Variants in CCSER1 observed in about 807,000 individuals in gnomAD.
CCSER1 encodes coiled-coil serine rich protein 1.
Under a neutral mutation model 82.0 loss-of-function variants are expected in CCSER1, and 41 were observed. The ratio of observed to expected loss-of-function variants is 0.50; its 90% CI spans 0.39 to 0.65. The LOEUF (loss-of-function observed/expected upper bound fraction) is 0.65, where lower values mean the gene tolerates loss of function less well. Among genes scored for constraint, CCSER1 ranks in the 30% least tolerant of loss-of-function variants. CCSER1 has a pLI of 0.00. For synonymous variants in CCSER1, 414 were observed against 383.9 expected (o/e 1.08, Z -0.92); for missense variants, 1,119 against 1,064.2 (o/e 1.05, Z -0.72).
At chr4:90,638,562 A>G (rs1003525913) in intron 6 of CCSER1, among the ~76,000 whole-genome samples, 4 of 152,172 alleles carry the variant, frequency 2.6e-5, no homozygotes, top group Non-Finnish European at 4.4e-5. Flanking sequence ...TATGGATCCC[A>G]TTGTATACTC....
At chr4:91,350,249 C>T (rs1748380753) in intron 10 of CCSER1, among the ~76,000 whole-genome samples, 1 of 152,058 alleles carries the variant, frequency 6.6e-6, no homozygotes, top group African/African-American at 2.4e-5. Flanking sequence ...TCTGAATCTA[C>T]CAGTTTGCAT....
At chr4:91,190,086 A>G (rs918967838) in intron 10 of CCSER1, among the ~76,000 whole-genome samples, 1 of 152,096 alleles carries the variant, frequency 6.6e-6, no homozygotes, top group Non-Finnish European at 1.5e-5. Flanking sequence ...AATTTACTAG[A>G]TGCCTGCACT....
intron 2 of CCSER1, 106 bp from the exon 3 acceptor site, chr4:90,312,757 G>A: frequency 1.2e-6 from 1 of 863,710 alleles, no homozygotes; most frequent in South Asian, 1.8e-5. Flanking sequence ...TTGTGATAGA[G>A]AAACTTTGAA....
Position 90,954,705 on chromosome 4 carries a change from T to C in CCSER1, c.2172+31258T>C, listed in dbSNP as rs370243136. Among the ~76,000 whole-genome samples, 7 of 152,278 alleles carry C rather than the reference T, an allele frequency of 4.6e-5. No homozygotes were observed. The East Asian group carries it at 5.8e-4, about 13-fold the overall frequency. ...ATCTCTGTGAATATTTCTCTATAAA[T>C]TCTATTGAAGTAAGTTTCAACTAGG... On this transcript the variant is annotated intron_variant, in intron 9 of 10. Coordinates refer to ENST00000509176, the MANE Select transcript of CCSER1 (RefSeq NM_001145065.2).
At chr4:90,551,840 A>C (rs570717617) in intron 5 of CCSER1, among the ~76,000 whole-genome samples, 67 of 151,882 alleles carry the variant, frequency 4.4e-4, no homozygotes, top group Non-Finnish European at 9.0e-4. Flanking sequence ...GCTGTGACAA[A>C]ATATCTGAAG....
rs1393880321 is a variant in CCSER1, at chr4:90,264,491, A to G, written c.-41-43753A>G. Among the ~76,000 whole-genome samples, 4 of 152,306 alleles carry G rather than the reference A, an allele frequency of 2.6e-5. No homozygotes were observed. The East Asian group carries it at 5.8e-4, about 22-fold the overall frequency. Reference sequence around the variant, plus strand: ...GAATATTTTCATATTAGGATCATTTATGTCACTGCCCCACCTACAACACAA... The same window carrying G: ...GAATATTTTCATATTAGGATCATTTGTGTCACTGCCCCACCTACAACACAA... On this transcript the variant is annotated intron_variant, in intron 1 of 10. Coordinates refer to ENST00000509176, the MANE Select transcript of CCSER1 (RefSeq NM_001145065.2).
At chr4:91,003,570 C>G (rs992116055) in intron 9 of CCSER1, among the ~76,000 whole-genome samples, 8 of 152,114 alleles carry the variant, frequency 5.3e-5, no homozygotes, top group African/African-American at 1.9e-4. Context: ...CCCACTGTGC[C>G]CCCTCCAACA....
chr4:91,033,144 A>C (rs1441017128), intron 9 of CCSER1, among the ~76,000 whole-genome samples: 1 of 152,190 alleles, frequency 6.6e-6, no homozygotes, highest in Non-Finnish European at 1.5e-5. Flanking sequence ...TGTATCAGTC[A>C]GGGTCCTGGC....
chr4:91,015,377 G>T (rs1451163046), intron 9 of CCSER1: 1 of 151,988 alleles, frequency 6.6e-6, no homozygotes. Flanking sequence ...GTGATAAGCT[G>T]CTATTCTGCT....
Position 90,889,383 on chromosome 4 carries a change from T to C in CCSER1, c.2095-33987T>C, listed in dbSNP as rs73834576. Among the ~76,000 whole-genome samples, 753 of 152,218 alleles carry C rather than the reference T, an allele frequency of 4.9e-3. 6 individuals are homozygous for C. The highest frequency in any genetic ancestry group is 0.017 in the African/African-American group (710 of 41,558). On this transcript the variant is annotated intron_variant, in intron 8 of 10. Transcript: ENST00000509176. ...TGACTCACTCTCTCCTACCCCTCCT[T>C]CTCCCCACGCAAGTTAAGTAATATT...
At chr4:90,988,500 AT>A (rs1298814212) in intron 9 of CCSER1, among the ~76,000 whole-genome samples, 1 of 151,648 alleles carries the variant, frequency 6.6e-6, no homozygotes, top group Non-Finnish European at 1.5e-5. Flanking sequence ...TCAGCAGGAA[AT>A]TTTGATTCCA....
intron 1 of CCSER1, among the ~76,000 whole-genome samples, chr4:90,273,661 A>G (rs1010526574): frequency 2.0e-5 from 3 of 152,168 alleles, no homozygotes; most frequent in African/African-American, 7.2e-5. Flanking sequence ...TCTCGAACAT[A>G]TAAAACTTTG....
intron 10 of CCSER1, among the ~76,000 whole-genome samples, chr4:91,458,642 G>A (rs972054902): frequency 1.1e-4 from 16 of 152,112 alleles, no homozygotes; most frequent in African/African-American, 3.9e-4. Flanking sequence ...TTTAGCCCAT[G>A]AACATGGAAT....
At chr4:90,808,344 G>T (rs113288030) in intron 7 of CCSER1, among the ~76,000 whole-genome samples, 2,664 of 152,106 alleles carry the variant, frequency 0.018, 67 homozygotes, top group African/African-American at 0.054. Context: ...AAGAATTTTT[G>T]ACTATGACCC....
intron 8 of CCSER1, among the ~76,000 whole-genome samples, chr4:90,903,047 G>A (rs1724899916): frequency 6.6e-6 from 1 of 151,974 alleles, no homozygotes; most frequent in African/African-American, 2.4e-5. Context: ...TACACCCTTT[G>A]GCTGCTACCA....
intron 10 of CCSER1, among the ~76,000 whole-genome samples, chr4:91,094,541 T>C (rs993621882): frequency 1.3e-5 from 2 of 152,082 alleles, no homozygotes; most frequent in African/African-American, 2.4e-5. Context: ...GAGGGGGGTG[T>C]TCCATGGAGA....
rs1341889358 is a variant in CCSER1 at position 91,460,383 on chromosome 4, T to C, written c.2218-138189T>C. On this transcript the variant is annotated intron_variant, in intron 10 of 10. Transcript: ENST00000509176. ...ATGCAGAGAATTGAGGAATAGCTTT[T>C]AAGGTCCAGGAGGTGACATTCCCTT... Among the ~76,000 whole-genome samples, 17 of 152,246 alleles carry C rather than the reference T, an allele frequency of 1.1e-4. 1 individual carries two copies. In the South Asian group the frequency reaches 1.9e-3, roughly 17 times the overall value.
At chr4:91,398,040 C>A (rs1752094351) in intron 10 of CCSER1, among the ~76,000 whole-genome samples, 1 of 151,882 alleles carries the variant, frequency 6.6e-6, no homozygotes, top group Non-Finnish European at 1.5e-5. Flanking sequence ...TTGCATATTA[C>A]CTAGGTAGCA....
chr4:90,606,909 C>A (rs2148795112), intron 5 of CCSER1, among the ~76,000 whole-genome samples: 1 of 152,136 alleles, frequency 6.6e-6, no homozygotes, highest in African/African-American at 2.4e-5. Context: ...ATTTCCACAC[C>A]AAATAGTTAT....
Sources: allele counts gnomAD v4.1 joint callset (sites outside exome capture counted in the v4.1 genomes callset), GRCh38; gene constraint gnomAD v4.1.1; transcripts MANE v1.5; gene names NCBI Gene and HGNC (gene_info 2026-07-23, HGNC 2026-07-21).